Variants in HEG1 observed in about 807,000 individuals in gnomAD.
The protein encoded by HEG1 is protein HEG homolog 1.
HEG1 carries 56 observed loss-of-function variants against 125.6 expected under a neutral mutation model. The ratio of observed to expected loss-of-function variants is 0.45; its 90% confidence interval spans 0.36 to 0.56. The LOEUF (loss-of-function observed/expected upper bound fraction) is 0.56, where lower values mean the gene tolerates loss of function less well. Ranked by LOEUF, HEG1 falls within the 20% of genes least tolerant of loss-of-function variation. HEG1 has a pLI of 0.00. For missense variants in HEG1, 1,523 were observed against 1,670.0 expected, an observed-to-expected ratio of 0.91 and a Z score of 1.53; for synonymous variants, 644 against 668.5, an observed-to-expected ratio of 0.96 and a Z score of 0.57.
At chr3:124,983,346 C>CT (rs35037170) in intron 14 of HEG1, among the ~76,000 whole-genome samples, 1 of 151,428 alleles carries the variant, frequency 6.6e-6, no homozygotes, top group Non-Finnish European at 1.5e-5. Context: ...ATTTTTTAAT[C>CT]TTTTTTTTGA....
intron 14 of HEG1, among the ~76,000 whole-genome samples, chr3:124,979,133 G>C (rs1193964857): frequency 6.6e-6 from 1 of 151,822 alleles, no homozygotes; most frequent in Non-Finnish European, 1.5e-5. Context: ...TGTGTTTTTA[G>C]TAGAGACGAG....
At chr3:125,047,522 G>A (rs554128353) in intron 1 of HEG1, among the ~76,000 whole-genome samples, 3 of 152,246 alleles carry the variant, frequency 2.0e-5, no homozygotes, top group African/African-American at 4.8e-5. Flanking sequence ...CTTCCAAGCC[G>A]GGACCTCTGT....
At position 125,013,584 on chromosome 3, in the gene HEG1, G is replaced by A. The variant is rs977888349; in HGVS notation, c.1995C>T (p.Ser665=). 4 of 1,595,312 alleles carry A rather than the reference G, an allele frequency of 2.5e-6. No individual in the cohort carries two copies. The highest frequency in any genetic ancestry group is 3.4e-6 in the Non-Finnish European group (4 of 1,171,284). ...FVSDSSSSSS[S]SSSSSSSGPP... ...GCCCTGAAGAAGAAGAAGAGGAGGA[G>A]GAGGAAGAGGAGGAGGAGGAGTCAC... The change falls in exon 6 of 17, where the codon TCC becomes TCT. Residue 665 remains serine (S), a synonymous_variant. Coordinates refer to ENST00000311127, the MANE Select transcript of HEG1 (RefSeq NM_020733.2).
intron 12 of HEG1, among the ~76,000 whole-genome samples, chr3:124,992,475 A>G (rs1341372943): frequency 6.6e-6 from 1 of 152,250 alleles, no homozygotes; most frequent in Admixed American, 6.5e-5. Context: ...TACGAGATAC[A>G]TTGCATAAAA....
At chr3:125,046,854 A>G (rs1937679933) in intron 1 of HEG1, among the ~76,000 whole-genome samples, 1 of 152,208 alleles carries the variant, frequency 6.6e-6, no homozygotes. Flanking sequence ...GATAACCCCC[A>G]AAGGTTCTGA....
rs1214033443 is a variant in HEG1, at chr3:125,014,908, T to A, written c.1589-918A>T. On this transcript the variant is annotated intron_variant, in intron 5 of 16. Coordinates refer to ENST00000311127, the MANE Select transcript of HEG1 (RefSeq NM_020733.2). ...GTGCGTTCCCCGTTTCCAGTGACAG[T>A]AGCCAAGGTGTGGGTGCCGAGAGAG... The A allele has an allele frequency of 2.3e-6, 3 of 1,289,736 alleles. No homozygotes were observed. In the African/African-American group the frequency reaches 4.6e-5, roughly 20 times the overall value. 79.9% of individuals were successfully genotyped at this position (1,289,736 alleles called of 1,614,324 possible). A position where few individuals can be genotyped will look rare whatever the true frequency, so the allele number is the denominator to read the frequency against.
intron 15 of HEG1, 72 bp from the exon 16 acceptor site, chr3:124,973,977 T>C: frequency 1.0e-6 from 1 of 1,004,080 alleles, no homozygotes; most frequent in Non-Finnish European, 1.5e-6. Context: ...CCAACTATGA[T>C]TTTATAATGT....
chr3:124,999,082 C>A (rs1161975517), intron 11 of HEG1, among the ~76,000 whole-genome samples: 1 of 152,160 alleles, frequency 6.6e-6, no homozygotes, highest in Non-Finnish European at 1.5e-5. Flanking sequence ...AGCTGCCACC[C>A]CACATGGGGT....
chr3:125,028,769 C>T (rs1232373307), intron 2 of HEG1, among the ~76,000 whole-genome samples: 1 of 152,096 alleles, frequency 6.6e-6, no homozygotes, highest in African/African-American at 2.4e-5. Context: ...CCCATTGAGC[C>T]CCAGCACCTT....
intron 1 of HEG1, among the ~76,000 whole-genome samples, chr3:125,048,440 G>C (rs1291928259): frequency 6.6e-6 from 1 of 152,248 alleles, no homozygotes; most frequent in Non-Finnish European, 1.5e-5. Context: ...GGCAAGCTGG[G>C]TCCTGCCTTA....
Position 124,969,707 on chromosome 3 carries a change from C to T in HEG1, c.*945G>A, listed in dbSNP as rs1579389470. 6.6e-6 allele frequency: 1 copy of T among 152,276 alleles called. No individual in the cohort carries two copies. Among genetic ancestry groups the T allele is most frequent in the Admixed American group, 6.5e-5 (1 of 15,288 alleles). 9.4% of individuals were successfully genotyped at this position (152,276 alleles called of 1,614,324 possible). A position where few individuals can be genotyped will look rare whatever the true frequency, so the allele number is the denominator to read the frequency against. On this transcript the variant is annotated 3_prime_UTR_variant, in exon 17 of 17. Coordinates refer to ENST00000311127, the MANE Select transcript of HEG1 (RefSeq NM_020733.2). ...ACCACATCCAGCTGCAGGGGCTCAA[C>T]AAGCTGCTTTCCTAGAGTGGTGAAA...
At position 125,012,845 on chromosome 3, in the gene HEG1, T is replaced by A. The variant is rs78680419; in HGVS notation, c.2734A>T (p.Thr912Ser). ...ACACTGGTCAAAGGGATCAATCCAG[T>A]GGTAGCATCCACAATCACTCGGTTC... The part of the protein sequence containing the change: ...ERNRVIVDAT[T>S]GLIPLTSVPT... The change falls in exon 6 of 17, where the codon ACT (threonine) becomes TCT (serine). Residue 912 changes from threonine to serine, a missense_variant. By Grantham distance (58) the Thr-to-Ser change is moderately conservative (BLOSUM62 1). Coordinates refer to ENST00000311127, the MANE Select transcript of HEG1 (RefSeq NM_020733.2). 0.13 allele frequency: 216,917 copies of A among 1,613,870 alleles called. 21,270 individuals carry two copies. Among genetic ancestry groups the A allele is most frequent in the East Asian group, 0.44 (19,844 of 44,866 alleles).
At chr3:125,008,082 G>T (rs907200510) in intron 8 of HEG1, among the ~76,000 whole-genome samples, 2 of 152,024 alleles carry the variant, frequency 1.3e-5, no homozygotes, top group African/African-American at 4.8e-5. Context: ...GCTAATTTGT[G>T]TAATTTTAGT....
intron 1 of HEG1, among the ~76,000 whole-genome samples, chr3:125,053,971 T>A (rs1937871475): frequency 6.6e-6 from 1 of 152,168 alleles, no homozygotes; most frequent in African/African-American, 2.4e-5. Context: ...CTCCCACCTA[T>A]CCCCTAACAA....
chr3:125,012,377 T>C (rs1188547305), intron 6 of HEG1, among the ~76,000 whole-genome samples: 3 of 152,202 alleles, frequency 2.0e-5, no homozygotes, highest in Non-Finnish European at 4.4e-5. Context: ...ATGTGACACA[T>C]GGCCAATGCA....
intron 1 of HEG1, among the ~76,000 whole-genome samples, chr3:125,031,107 CAT>C (rs1220231237): frequency 6.6e-6 from 1 of 152,104 alleles, no homozygotes; most frequent in Non-Finnish European, 1.5e-5. Context: ...AAAAGGAAGT[CAT>C]GTGTAGCATC....
intron 1 of HEG1, among the ~76,000 whole-genome samples, chr3:125,031,029 TGG>T (rs1937490716): frequency 6.6e-6 from 1 of 152,148 alleles, no homozygotes; most frequent in South Asian, 2.1e-4. Flanking sequence ...ACACCCAAGA[TGG>T]TGGCAAAGAG....
At chr3:125,053,727 G>T (rs1937866928) in intron 1 of HEG1, among the ~76,000 whole-genome samples, 1 of 152,146 alleles carries the variant, frequency 6.6e-6, no homozygotes, top group East Asian at 1.9e-4. Flanking sequence ...ATCAAACTGG[G>T]AAAGCCACAA....
rs775783855 is a variant in HEG1, at chr3:125,012,868, T to C, written c.2711A>G (p.Asn904Ser). 6 of 1,613,876 alleles carry C rather than the reference T, an allele frequency of 3.7e-6. No homozygotes were observed. The Middle Eastern group carries it at 6.6e-4, about 177-fold the overall frequency. ...STEGGISTER[N>S]RVIVDATTGL... The stretch of plus-strand genomic sequence containing the variant: ...AGTGGTAGCATCCACAATCACTCGG[T>C]TCCTTTCTGTGCTGATGCCACCTTC... Residue 904 changes from asparagine (N) to serine (S), a missense_variant, in exon 6 of 17, where the codon AAC becomes AGC. Coordinates refer to ENST00000311127, the MANE Select transcript of HEG1 (RefSeq NM_020733.2).
Sources: allele counts gnomAD v4.1 joint callset (sites outside exome capture counted in the v4.1 genomes callset), GRCh38; gene constraint gnomAD v4.1.1; transcripts MANE v1.5; gene names NCBI Gene and HGNC (gene_info 2026-07-23, HGNC 2026-07-21).